The following TF variants were observed in gnomAD, a reference collection of about 807,000 sequenced individuals.
TF encodes the protein serotransferrin.
A neutral mutation model predicts 82.4 loss-of-function variants in TF; 55 were observed. The ratio of observed to expected loss-of-function variants is 0.67; its 90% CI spans 0.54 to 0.84. The LOEUF (loss-of-function observed/expected upper bound fraction) is 0.84. Among genes scored for constraint, TF ranks in the 40% least tolerant of loss-of-function variants. The probability of loss-of-function intolerance (pLI) is 0.00; values close to 1 mark genes in which losing one functional copy is unlikely to be tolerated. For synonymous variants in TF, 332 were observed against 332.6 expected, an observed-to-expected ratio of 1.00 and a Z score of 0.02; for missense variants, 737 against 868.4, an observed-to-expected ratio of 0.85 and a Z score of 1.90.
chr3:133,774,106 T>G (rs1202697752), intron 14 of TF: 1 of 152,224 alleles, frequency 6.6e-6, no homozygotes, highest in Admixed American at 6.5e-5. Flanking sequence ...AAAATATTAT[T>G]ATCCCTGCCC....
At chr3:133,693,028 A>G in the TF span, 1 of 152,378 alleles carries the variant, frequency 6.6e-6, no homozygotes, top group Non-Finnish European at 1.5e-5. Flanking sequence ...TGTGAAGTGT[A>G]TGTGTCCACG....
At chr3:133,752,370 G>A (rs976081776) in intron 2 of TF, among the ~76,000 whole-genome samples, 4 of 152,102 alleles carry the variant, frequency 2.6e-5, no homozygotes, top group African/African-American at 9.7e-5. Flanking sequence ...AGTGCTGGAA[G>A]TACAAGGTAT....
the TF span, among the ~76,000 whole-genome samples, chr3:133,732,588 T>G: frequency 3.9e-5 from 6 of 152,248 alleles, no homozygotes; most frequent in Non-Finnish European, 8.8e-5. Context: ...TGCTGCGCAC[T>G]GTTTGGGTCC....
intron 13 of TF, among the ~76,000 whole-genome samples, chr3:133,769,507 TA>T (rs1934208522): frequency 6.6e-6 from 1 of 152,202 alleles, no homozygotes; most frequent in African/African-American, 2.4e-5. Flanking sequence ...ACATGTCTTA[TA>T]AAACTTAGCT....
chr3:133,712,797 T>A, the TF span: 1 of 152,798 alleles, frequency 6.5e-6, no homozygotes, highest in Admixed American at 6.5e-5. Context: ...CCAGTGGGGC[T>A]TTCAGGCAAG....
chr3:133,757,703 T>G lies in TF; in HGVS notation c.871-66T>G, dbSNP rs1933874000. The G allele has an allele frequency of 5.5e-6, 8 of 1,466,828 alleles. No homozygotes were observed. In the East Asian group the frequency reaches 1.8e-4, roughly 33 times the overall value. The allele number at this position is 1,466,828 out of a possible 1,614,324, so 90.9% of individuals were successfully genotyped here. On this transcript the variant is annotated intron_variant, in intron 7 of 16. Transcript: ENST00000402696. ...TTTCCTGCAGAGATTTCTTTTCTCTTCAGTCCCATTTCTCAGCCTCCTTTC... is the reference window on the plus strand; with the variant it reads ...TTTCCTGCAGAGATTTCTTTTCTCTGCAGTCCCATTTCTCAGCCTCCTTTC...
At chr3:133,687,800 C>G in the TF span, among the ~76,000 whole-genome samples, 1 of 152,164 alleles carries the variant, frequency 6.6e-6, no homozygotes, top group Non-Finnish European at 1.5e-5. Flanking sequence ...CATCATCTGG[C>G]TATTCCCCAT....
chr3:133,743,851 C>T (rs1390658678), upstream of TF, among the ~76,000 whole-genome samples: 2 of 152,178 alleles, frequency 1.3e-5, no homozygotes, highest in Non-Finnish European at 2.9e-5. Context: ...CATATACAGG[C>T]ATAGGCACCC....
chr3:133,709,773 G>A, the TF span: 1 of 152,762 alleles, frequency 6.5e-6, no homozygotes, highest in South Asian at 2.1e-4. Flanking sequence ...ATAAATGGGT[G>A]GTGAGCTTAA....
At chr3:133,679,593 T>TA in the TF span, among the ~76,000 whole-genome samples, 4 of 148,108 alleles carry the variant, frequency 2.7e-5, no homozygotes, top group Non-Finnish European at 3.0e-5. Flanking sequence ...TTTTTTTTTT[T>TA]ACTCAGCATA....
At chr3:133,713,443 G>A in the TF span, among the ~76,000 whole-genome samples, 15 of 152,206 alleles carry the variant, frequency 9.9e-5, no homozygotes, top group Non-Finnish European at 1.8e-4. Context: ...GCTCCCCAGA[G>A]GGTGTTGAAA....
At chr3:133,665,935 C>CAA in the TF span, among the ~76,000 whole-genome samples, 12,443 of 51,766 alleles carry the variant, frequency 0.24, 1,005 homozygotes, top group Non-Finnish European at 0.33. Context: ...AACTCCATCT[C>CAA]AAAAAAAAAA....
chr3:133,727,932 A>G, the TF span, among the ~76,000 whole-genome samples: 1 of 152,066 alleles, frequency 6.6e-6, no homozygotes. Flanking sequence ...TTGGCTGGAC[A>G]TGAAATTCTG....
the TF span, among the ~76,000 whole-genome samples, chr3:133,717,761 G>T: frequency 4.6e-5 from 7 of 152,066 alleles, no homozygotes; most frequent in Non-Finnish European, 7.4e-5. Context: ...AATGCTTGAG[G>T]GACCAAACAA....
intron 5 of TF, 115 bp from the exon 6 acceptor site, chr3:133,756,167 G>A (rs1011560191): frequency 7.1e-6 from 7 of 984,654 alleles, no homozygotes; most frequent in East Asian, 2.6e-5. Flanking sequence ...CTTCAGCTAC[G>A]GGGCTGCACC....
At chr3:133,746,359 A>C, upstream of TF, 7 of 1,489,140 alleles carry the variant, frequency 4.7e-6, no homozygotes, top group South Asian at 1.2e-5. Flanking sequence ...CAGGCCGGGA[A>C]TGGAATAAAG....
chr3:133,679,901 A>G, the TF span, among the ~76,000 whole-genome samples: 1 of 152,160 alleles, frequency 6.6e-6, no homozygotes, highest in Non-Finnish European at 1.5e-5. Flanking sequence ...TTACATTCCC[A>G]CCAGCAGCAT....
the TF span, among the ~76,000 whole-genome samples, chr3:133,735,863 C>A: frequency 1.3e-5 from 2 of 152,180 alleles, no homozygotes; most frequent in African/African-American, 2.4e-5. Flanking sequence ...GAGAATGGAA[C>A]CAAGCTGGAA....
chr3:133,733,699 C>T, the TF span, among the ~76,000 whole-genome samples: 5 of 152,184 alleles, frequency 3.3e-5, no homozygotes, highest in Admixed American at 2.6e-4. Flanking sequence ...GGCTTTGTAA[C>T]ATTGAACAAT....
Sources: gnomAD v4.1 joint callset for allele counts (sites outside exome capture counted in the v4.1 genomes callset) on GRCh38, gnomAD v4.1.1 for gene constraint, MANE v1.5 for transcripts, NCBI Gene and HGNC (gene_info 2026-07-23, HGNC 2026-07-21) for gene names.